Variants in DLL4 observed in about 807,000 individuals in gnomAD.
DLL4 encodes delta-like protein 4.
DLL4 carries 7 observed loss-of-function variants against 73.6 expected under a neutral mutation model. The ratio of observed to expected loss-of-function variants is 0.10; its 90% confidence interval spans 0.05 to 0.18. The LOEUF (loss-of-function observed/expected upper bound fraction) is 0.18. DLL4 is among the 10% of genes least tolerant of loss of function. The pLI is 1.00. For missense variants in DLL4, 614 were observed against 929.9 expected (o/e 0.66, Z 4.42); for synonymous variants, 345 against 374.3 (o/e 0.92, Z 0.90).
chr15:40,930,069 G>T lies in DLL4; in HGVS notation c.289G>T (p.Gly97Cys). 1 of 1,607,072 alleles carries T rather than the reference G, an allele frequency of 6.2e-7. No individual in the cohort carries two copies. Among genetic ancestry groups the T allele is most frequent in the Non-Finnish European group, 8.5e-7 (1 of 1,177,452 alleles). The change falls in exon 2 of 11, where the codon GGC (glycine) becomes TGC (cysteine). Residue 97 changes from glycine (G) to cysteine (C), a missense_variant. Physicochemically the swap from Gly to Cys is radical, Grantham distance 159 (BLOSUM62 -3). This residue lies in a region of DLL4 where 227 missense variants were observed against 370.8 expected (regional missense o/e 0.61). Transcript: ENST00000249749. This position sits in a 1 kb window ranked among gnomAD's most constrained non-coding sequence, Gnocchi z 5.7. ...CTTCGCTGTCCGGGACGACAGTAGCGGCGGGGGGCGCAACCCTCTCCAACT... is the reference window on the plus strand; with the variant it reads ...CTTCGCTGTCCGGGACGACAGTAGCTGCGGGGGGCGCAACCCTCTCCAACT... ...NSFAVRDDSS[G>C]GGRNPLQLPF...
chr15:40,936,733 C>T lies in DLL4; in HGVS notation c.1746C>T (p.Ala582=), dbSNP rs769803286. ...SDFQKDNLIP[A]AQLKNTNQKK... ...TCCAGAAGGACAACCTGATTCCTGC[C>T]GCCCAGCTTAAAAACACAAACCAGA... Residue 582 remains alanine (A), a synonymous_variant, in exon 9 of 11, where the codon GCC becomes GCT. Transcript: ENST00000249749. The T allele has an allele frequency of 1.2e-5, 19 of 1,613,736 alleles. No homozygotes were observed. Among genetic ancestry groups the T allele is most frequent in the African/African-American group, 5.3e-5 (4 of 74,926 alleles).
intron 6 of DLL4, among the ~76,000 whole-genome samples, chr15:40,933,776 G>T (rs751178500): frequency 6.6e-6 from 1 of 152,056 alleles, no homozygotes; most frequent in Admixed American, 6.6e-5. Flanking sequence ...TTTCACTTTT[G>T]GTTGACTGCA....
Position 40,931,788 on chromosome 15 carries a change from T to A in DLL4, c.658+22T>A, listed in dbSNP as rs1435720688. On this transcript the variant is annotated intron_variant, in intron 4 of 10. Coordinates refer to ENST00000249749, the MANE Select transcript of DLL4 (RefSeq NM_019074.4). ...CAGCGTAAGCAGTCAAGCTCCCACC[T>A]GTGTGGAAGGGGAGGGTCCCCTGAG... 3 of 1,611,818 alleles carry A rather than the reference T, an allele frequency of 1.9e-6. No individual in the cohort carries two copies. In the Admixed American group the frequency reaches 5.0e-5, roughly 27 times the overall value.
chr15:40,930,435 C>A lies in DLL4; in HGVS notation c.337-190C>A. The A allele has an allele frequency of 1.5e-6, 1 of 657,448 alleles. No homozygotes were observed. The highest frequency in any genetic ancestry group is 1.8e-5 in the South Asian group (1 of 54,144). 40.7% of individuals were successfully genotyped at this position (657,448 alleles called of 1,614,324 possible). On this transcript the variant is annotated intron_variant, in intron 2 of 10. Coordinates refer to ENST00000249749, the MANE Select transcript of DLL4 (RefSeq NM_019074.4). This position sits in a 1 kb window ranked among gnomAD's most constrained non-coding sequence, Gnocchi z 5.7. Reference sequence around the variant, plus strand: ...TTACACTCTCCCGTCTCTCAACCCTCCCTCTACCGGGGGTTCTCCTCTCGC... The same window carrying A: ...TTACACTCTCCCGTCTCTCAACCCTACCTCTACCGGGGGTTCTCCTCTCGC...
intron 4 of DLL4, 54 bp from the exon 5 acceptor site, chr15:40,932,117 G>A (rs1443851721): frequency 1.6e-5 from 26 of 1,604,090 alleles, no homozygotes; most frequent in South Asian, 6.6e-5. Context: ...GTGAGAATGG[G>A]GCTTAAGAGT....
Position 40,930,399 on chromosome 15 carries a change from G to C in DLL4, c.337-226G>C. On this transcript the variant is annotated intron_variant, in intron 2 of 10. Transcript: ENST00000249749. This position sits in a 1 kb window ranked among gnomAD's most constrained non-coding sequence, Gnocchi z 5.7. ...CGGTACCCTACCACCCCCTCCTCCA[G>C]TGGCTCTCCCTTACACTCTCCCGTC... The C allele has an allele frequency of 1.6e-6, 1 of 631,544 alleles. No homozygotes were observed. The highest frequency in any genetic ancestry group is 2.8e-6 in the Non-Finnish European group (1 of 352,940). 39.1% of individuals were successfully genotyped at this position (631,544 alleles called of 1,614,324 possible).
Position 40,936,877 on chromosome 15 carries a change from G to T in DLL4, c.1890G>T (p.Lys630Asn). 6.2e-7 allele frequency: 1 copy of T among 1,612,862 alleles called. No individual in the cohort carries two copies. Among genetic ancestry groups the T allele is most frequent in the Non-Finnish European group, 8.5e-7 (1 of 1,179,776 alleles). Residue 630 changes from lysine to asparagine, a missense_variant, in exon 9 of 11, where the codon AAG (lysine) becomes AAT (asparagine). Lys to Asn is a moderately conservative substitution (Grantham distance 94, BLOSUM62 0). Coordinates refer to ENST00000249749, the MANE Select transcript of DLL4 (RefSeq NM_019074.4). ...GPLGRGTMPG[K>N]FPHSDKSLGE... ...TGGGGCGGGGGACCATGCCAGGAAA[G>T]TTTCCCCACAGTGACAAGAGCTTAG...
chr15:40,929,512 G>C lies in DLL4; in HGVS notation c.-157G>C, dbSNP rs1566877591. The C allele has an allele frequency of 7.4e-6, 5 of 679,510 alleles. No individual in the cohort carries two copies. In the East Asian group the frequency reaches 1.2e-4, roughly 16 times the overall value. The allele number at this position is 679,510 out of a possible 1,614,324, so 42.1% of individuals were successfully genotyped here. A position where few individuals can be genotyped will look rare whatever the true frequency, so the allele number is the denominator to read the frequency against. Reference sequence around the variant, plus strand: ...GTCACCTGGATTACCTACAGCGGCAGCTGCAGCGGAGCCAGCGAGAAGGCC... The same window carrying C: ...GTCACCTGGATTACCTACAGCGGCACCTGCAGCGGAGCCAGCGAGAAGGCC... On this transcript the variant is annotated 5_prime_UTR_variant, in exon 1 of 11. Transcript: ENST00000249749. This position sits in a 1 kb window ranked among gnomAD's most constrained non-coding sequence, Gnocchi z 7.1.
intron 6 of DLL4, among the ~76,000 whole-genome samples, chr15:40,933,732 C>G (rs1035392325): frequency 4.6e-5 from 7 of 152,116 alleles, no homozygotes; most frequent in African/African-American, 1.7e-4. Flanking sequence ...TGTGAGTTTC[C>G]CTGGCAGGAC....
In DLL4 at chr15:40,930,222, C is replaced by CA; in HGVS notation, c.336+111dup. On this transcript the variant is annotated intron_variant, in intron 2 of 10. Transcript: ENST00000249749. This position sits in a 1 kb window ranked among gnomAD's most constrained non-coding sequence, Gnocchi z 5.7. ...TTCCTTGTACACACACCCCCACCCC[C>CA]AAAAAGCCCAGGATGCATTCTTTCC... is the stretch of plus-strand genomic sequence containing the variant. The CA allele has an allele frequency of 7.3e-7, 1 of 1,369,042 alleles. No individual in the cohort carries two copies. The allele number at this position is 1,369,042 out of a possible 1,614,324, so 84.8% of individuals were successfully genotyped here.
chr15:40,938,280 G>T lies in DLL4; in HGVS notation c.*246G>T. On this transcript the variant is annotated 3_prime_UTR_variant, in exon 11 of 11. Coordinates refer to ENST00000249749, the MANE Select transcript of DLL4 (RefSeq NM_019074.4). ...AACCAGAGGAACAGAAGAGAAGAGA[G>T]ATGCCACTGGGCACTGCCCTGCCAG... 1 of 403,228 alleles carries T rather than the reference G, an allele frequency of 2.5e-6. No homozygotes were observed. Among genetic ancestry groups the T allele is most frequent in the African/African-American group, 2.1e-5 (1 of 48,302 alleles). The allele number at this position is 403,228 out of a possible 1,614,324, so 25.0% of individuals were successfully genotyped here.
rs368322432 is a variant in DLL4, at chr15:40,932,183, C to T, written c.671C>T (p.Ser224Leu). Reference sequence around the variant, plus strand: ...GTTCTTCCCTTAGCTATCTGTCTTTCGGGCTGTCATGAACAGAATGGCTAC... The same window carrying T: ...GTTCTTCCCTTAGCTATCTGTCTTTTGGGCTGTCATGAACAGAATGGCTAC... ...GEYCQQPICLSGCHEQNGYCS... is the reference protein window; with the variant it reads ...GEYCQQPICLLGCHEQNGYCS... Residue 224 changes from serine (S) to leucine (L), a missense_variant, in exon 5 of 11, where the codon TCG (serine) becomes TTG (leucine). This residue lies in a region of DLL4 where 227 missense variants were observed against 370.8 expected (regional missense o/e 0.61). Coordinates refer to ENST00000249749, the MANE Select transcript of DLL4 (RefSeq NM_019074.4). 46 of 1,614,028 alleles carry T rather than the reference C, an allele frequency of 2.9e-5. No individual in the cohort carries two copies. Among genetic ancestry groups the T allele is most frequent in the African/African-American group, 2.5e-4 (19 of 75,054 alleles).
At position 40,930,861 on chromosome 15, in the gene DLL4, A is replaced by G. The variant is rs1002688817; in HGVS notation, c.394+179A>G. On this transcript the variant is annotated intron_variant, in intron 3 of 10. Transcript: ENST00000249749. The surrounding 1 kb of genome is among the most constrained non-coding windows in gnomAD (Gnocchi z 5.7). ...GCTCGCTGCCTGGACTCAGAGCACAATTGCGTTTCCTGCGGGTTATTTTTG... is the reference window on the plus strand; with the variant it reads ...GCTCGCTGCCTGGACTCAGAGCACAGTTGCGTTTCCTGCGGGTTATTTTTG... 1.8e-5 allele frequency: 12 copies of G among 649,238 alleles called. No individual in the cohort carries two copies. The highest frequency in any genetic ancestry group is 5.5e-5 in the African/African-American group (3 of 54,588). The allele number at this position is 649,238 out of a possible 1,614,324, so 40.2% of individuals were successfully genotyped here.
intron 5 of DLL4, 41 bp from the exon 6 acceptor site, chr15:40,932,276 C>G (rs1275165464): frequency 6.2e-7 from 1 of 1,614,010 alleles, no homozygotes; most frequent in South Asian, 1.1e-5. Flanking sequence ...CTCCCTTGGC[C>G]AAGGCCTCTC....
chr15:40,938,567 G>C lies in DLL4; in HGVS notation c.*533G>C, dbSNP rs995848169. The C allele has an allele frequency of 6.5e-6, 1 of 153,048 alleles. No individual in the cohort carries two copies. The highest frequency in any genetic ancestry group is 6.5e-5 in the Admixed American group (1 of 15,314). 9.5% of individuals were successfully genotyped at this position (153,048 alleles called of 1,614,324 possible). On this transcript the variant is annotated 3_prime_UTR_variant, in exon 11 of 11. Coordinates refer to ENST00000249749, the MANE Select transcript of DLL4 (RefSeq NM_019074.4). ...TGCCCTGGAGGTGAGGTGAGTGCTCGAGGGAGGGGAGTGCTTTCTGCCCCA... is the reference window on the plus strand; with the variant it reads ...TGCCCTGGAGGTGAGGTGAGTGCTCCAGGGAGGGGAGTGCTTTCTGCCCCA...
chr15:40,936,128 A>T, intron 8 of DLL4, 100 bp from the exon 9 acceptor site: 1 of 995,274 alleles, frequency 1.0e-6, no homozygotes, highest in Non-Finnish European at 1.4e-6. Context: ...CTGCAGGTGG[A>T]GGTAGAAGGG....
Position 40,932,314 on chromosome 15 carries a change from C to T in DLL4, c.720-3C>T, listed in dbSNP as rs752399643. 3 of 1,614,036 alleles carry T rather than the reference C, an allele frequency of 1.9e-6. No homozygotes were observed. In the South Asian group the frequency reaches 3.3e-5, roughly 18 times the overall value. On this transcript the variant is annotated splice_region_variant and splice_polypyrimidine_tract_variant and intron_variant, in intron 5 of 10. Coordinates refer to ENST00000249749, the MANE Select transcript of DLL4 (RefSeq NM_019074.4). ...CTCACTCTGCCTCTCTCTTGTTCCC[C>T]AGCTGCCGCCCAGGCTGGCAGGGCC...
chr15:40,938,118 C>A lies in DLL4; in HGVS notation c.*84C>A. 7.1e-7 allele frequency: 1 copy of A among 1,404,536 alleles called. No homozygotes were observed. Among genetic ancestry groups the A allele is most frequent in the South Asian group, 1.5e-5 (1 of 65,004 alleles). 87.0% of individuals were successfully genotyped at this position (1,404,536 alleles called of 1,614,324 possible). A position where few individuals can be genotyped will look rare whatever the true frequency, so the allele number is the denominator to read the frequency against. ...TGTTTACATTGCATCCTGGATGGGA[C>A]GTTTTTCATATGCAACGTGCTGCTC... On this transcript the variant is annotated 3_prime_UTR_variant, in exon 11 of 11. Transcript: ENST00000249749.
chr15:40,931,897 C>T (rs1892776160), intron 4 of DLL4, 131 bp downstream of exon 4: 1 of 1,254,510 alleles, frequency 8.0e-7, no homozygotes, highest in Non-Finnish European at 1.1e-6. Context: ...CTCAGGGATG[C>T]TGAGGGTGGG....
Sources: gnomAD v4.1 joint callset for allele counts (sites outside exome capture counted in the v4.1 genomes callset) on GRCh38, gnomAD v4.1.1 for gene constraint, gnomAD v4.1.1 regional missense constraint, Gnocchi (gnomAD v3.1) non-coding constraint, MANE v1.5 for transcripts, NCBI Gene and HGNC (gene_info 2026-07-23, HGNC 2026-07-21) for gene names.